Variants in ABRAXAS2 observed in about 807,000 individuals in gnomAD.
ABRAXAS2 encodes the protein abraxas 2, BRISC complex subunit.
Under a neutral mutation model 49.0 loss-of-function variants are expected in ABRAXAS2, and 23 were observed. The observed-to-expected ratio is 0.47, with a 90% CI of 0.34 to 0.66. The LOEUF is 0.66. Among genes scored for constraint, ABRAXAS2 ranks in the 30% least tolerant of loss-of-function variants. The probability of loss-of-function intolerance (pLI) is 0.01; values close to 1 mark genes in which losing one functional copy is unlikely to be tolerated. For synonymous variants in ABRAXAS2, 168 were observed against 180.2 expected, an observed-to-expected ratio of 0.93 and a Z score of 0.54; for missense variants, 443 against 511.9, an observed-to-expected ratio of 0.87 and a Z score of 1.30.
chr10:124,809,989 G>A (rs1950776035), intron 2 of ABRAXAS2, among the ~76,000 whole-genome samples: 1 of 152,134 alleles, frequency 6.6e-6, no homozygotes, highest in African/African-American at 2.4e-5. Flanking sequence ...TCGACCTCAG[G>A]TGATCCGCCC....
intron 8 of ABRAXAS2, among the ~76,000 whole-genome samples, chr10:124,834,294 A>T (rs185661846): frequency 9.9e-4 from 151 of 152,314 alleles, no homozygotes; most frequent in African/African-American, 3.4e-3. Context: ...ACACTTCAGA[A>T]ATTTGTCATG....
Position 124,829,391 on chromosome 10 carries a change from A to C in ABRAXAS2, c.579-2A>C. The C allele has an allele frequency of 6.2e-7, 1 of 1,602,468 alleles. No homozygotes were observed. Among genetic ancestry groups the C allele is most frequent in the South Asian group, 1.1e-5 (1 of 89,928 alleles). ...GGCATCTTTTTTCTGTTTGTCTTCCAGTACTGACTTTTTTGACAAGGATGG... is the reference window on the plus strand; with the variant it reads ...GGCATCTTTTTTCTGTTTGTCTTCCCGTACTGACTTTTTTGACAAGGATGG... On this transcript the variant is annotated splice_acceptor_variant, in intron 6 of 8. Transcript: ENST00000298492. LOFTEE classifies it high-confidence loss of function.
At chr10:124,823,479 A>G (rs1950875511) in intron 4 of ABRAXAS2, among the ~76,000 whole-genome samples, 1 of 152,264 alleles carries the variant, frequency 6.6e-6, no homozygotes. Context: ...AAGGCCAAAC[A>G]AAGCAAGTAA....
Position 124,829,283 on chromosome 10 carries a change from C to T in ABRAXAS2, c.579-110C>T, listed in dbSNP as rs1950915756. 1.1e-5 allele frequency: 8 copies of T among 734,076 alleles called. No individual in the cohort carries two copies. In the East Asian group the frequency reaches 2.1e-4, roughly 19 times the overall value. The allele number at this position is 734,076 out of a possible 1,614,324, so 45.5% of individuals were successfully genotyped here. A position where few individuals can be genotyped will look rare whatever the true frequency, so the allele number is the denominator to read the frequency against. On this transcript the variant is annotated intron_variant, in intron 6 of 8. Transcript: ENST00000298492. The stretch of plus-strand genomic sequence containing the variant: ...GGCATTATTCCTTAAACACTGTCAC[C>T]TCGGAGTCACAGCATTTAAACAATA...
rs577242423 is a variant in ABRAXAS2, at chr10:124,807,056, T to C, written c.163+135T>C. 3,571 of 599,468 alleles carry C rather than the reference T, an allele frequency of 6.0e-3. 22 individuals are homozygous for C. The highest frequency in any genetic ancestry group is 8.7e-3 in the Non-Finnish European group (3,024 of 345,728). 37.1% of individuals were successfully genotyped at this position (599,468 alleles called of 1,614,324 possible). On this transcript the variant is annotated intron_variant, in intron 2 of 8. Coordinates refer to ENST00000298492, the MANE Select transcript of ABRAXAS2 (RefSeq NM_032182.4). ...TGCCAGGCGCGGTGGCTCACGCCTG[T>C]AATCCCAGCACTTTGGGAGGCCGAG...
intron 1 of ABRAXAS2, among the ~76,000 whole-genome samples, chr10:124,802,422 C>G (rs1198532824): frequency 6.6e-6 from 1 of 152,188 alleles, no homozygotes; most frequent in African/African-American, 2.4e-5. Flanking sequence ...CGCCCTGATG[C>G]AAAATGGAGA....
intron 8 of ABRAXAS2, 95 bp downstream of exon 8, chr10:124,831,558 G>T (rs181951117): frequency 1.1e-5 from 7 of 647,830 alleles, no homozygotes; most frequent in Non-Finnish European, 1.8e-5. Flanking sequence ...CTCTTTCTAC[G>T]CTCATCCAGT....
intron 8 of ABRAXAS2, 38 bp downstream of exon 8, chr10:124,831,501 A>T: frequency 8.6e-7 from 1 of 1,164,546 alleles, no homozygotes; most frequent in Non-Finnish European, 1.3e-6. Context: ...AGTATCAGGG[A>T]AATGTTGTTT....
At chr10:124,820,106 G>T (rs1950852535) in intron 4 of ABRAXAS2, among the ~76,000 whole-genome samples, 1 of 152,316 alleles carries the variant, frequency 6.6e-6, no homozygotes, top group East Asian at 1.9e-4. Flanking sequence ...AAAACAAAAT[G>T]CCGTTGTTTA....
chr10:124,831,336 T>C lies in ABRAXAS2; in HGVS notation c.664-13T>C. 6.4e-7 allele frequency: 1 copy of C among 1,555,356 alleles called. No homozygotes were observed. On this transcript the variant is annotated splice_polypyrimidine_tract_variant and intron_variant, in intron 7 of 8. Coordinates refer to ENST00000298492, the MANE Select transcript of ABRAXAS2 (RefSeq NM_032182.4). ...GAACTTGAAGCTAACCTCGTTGTCA[T>C]TTTTTTCCTCAGGCAGTGTGTGCAG...
chr10:124,826,445 C>A, intron 4 of ABRAXAS2, 150 bp from the exon 5 acceptor site: 1 of 660,642 alleles, frequency 1.5e-6, no homozygotes, highest in Non-Finnish European at 2.6e-6. Context: ...GTCTGTTTAT[C>A]CATGCTCCTG....
Position 124,814,443 on chromosome 10 carries a change from G to C in ABRAXAS2, c.164-2133G>C, listed in dbSNP as rs564459546. Among the ~76,000 whole-genome samples the C allele has an allele frequency of 8.0e-4, 122 of 151,710 alleles. 1 individual carries two copies. The highest frequency in any genetic ancestry group is 2.8e-3 in the African/African-American group (116 of 41,334). ...CGGCTCACTGCAACCTCCGCCTCCT[G>C]GGTTCAAGTGATTCTCCCACACCTC... On this transcript the variant is annotated intron_variant, in intron 2 of 8. Transcript: ENST00000298492.
At chr10:124,813,504 A>G (rs1283423635) in intron 2 of ABRAXAS2, among the ~76,000 whole-genome samples, 1 of 152,234 alleles carries the variant, frequency 6.6e-6, no homozygotes, top group Non-Finnish European at 1.5e-5. Context: ...CCGAGAGGCG[A>G]TGTGTACATG....
At chr10:124,824,099 G>GCTATCTGGCTCAGGCCGGGCT (rs1252071279) in intron 4 of ABRAXAS2, among the ~76,000 whole-genome samples, 3 of 151,912 alleles carry the variant, frequency 2.0e-5, no homozygotes, top group African/African-American at 7.3e-5. Flanking sequence ...ATGGGGTCTT[G>GCTATCTGGCTCAGGCCGGGCT]CTATCTGGCT....
At chr10:124,809,235 T>C (rs1950768504) in intron 2 of ABRAXAS2, among the ~76,000 whole-genome samples, 1 of 152,232 alleles carries the variant, frequency 6.6e-6, no homozygotes, top group Admixed American at 6.5e-5. Flanking sequence ...ATTTCAAGCC[T>C]GTTCTGATAG....
At chr10:124,811,313 G>A (rs1950785811) in intron 2 of ABRAXAS2, among the ~76,000 whole-genome samples, 1 of 152,148 alleles carries the variant, frequency 6.6e-6, no homozygotes, top group Non-Finnish European at 1.5e-5. Context: ...AGCATAATCT[G>A]GAAGATGAAG....
intron 7 of ABRAXAS2, among the ~76,000 whole-genome samples, chr10:124,830,109 T>C (rs1246882843): frequency 1.3e-5 from 2 of 152,204 alleles, no homozygotes; most frequent in East Asian, 3.9e-4. Context: ...AGTGGTAAAG[T>C]TGATGAAGCT....
intron 2 of ABRAXAS2, among the ~76,000 whole-genome samples, chr10:124,808,393 G>A (rs1950762420): frequency 1.3e-5 from 2 of 152,054 alleles, no homozygotes; most frequent in Admixed American, 1.3e-4. Flanking sequence ...AGCCAGGACG[G>A]TCTTGATCTC....
intron 3 of ABRAXAS2, among the ~76,000 whole-genome samples, chr10:124,817,620 C>T (rs1407743510): frequency 6.6e-6 from 1 of 152,120 alleles, no homozygotes; most frequent in East Asian, 1.9e-4. Flanking sequence ...GCCAGCCAGC[C>T]CTTTCTGCTT....
Sources: gnomAD v4.1 joint callset for allele counts (sites outside exome capture counted in the v4.1 genomes callset) on GRCh38, gnomAD v4.1.1 for gene constraint, MANE v1.5 for transcripts, NCBI Gene and HGNC (gene_info 2026-07-23, HGNC 2026-07-21) for gene names.